Variants in RORA observed in about 807,000 individuals in gnomAD.
RORA encodes RAR related orphan receptor A, also known as nuclear receptor ROR-alpha.
In RORA, 7 loss-of-function variants were observed where a neutral mutation model predicts 69.5. That is an observed-to-expected ratio of 0.10 (90% CI 0.06 to 0.19). The LOEUF (loss-of-function observed/expected upper bound fraction) is 0.19, where lower values mean the gene tolerates loss of function less well. RORA is among the 10% of genes least tolerant of loss of function. The pLI, the probability that RORA is intolerant of heterozygous loss-of-function variation, is 1.00. For synonymous variants in RORA, 261 were observed against 240.8 expected (o/e 1.08, Z -0.78); for missense variants, 457 against 663.0 (o/e 0.69, Z 3.41).
chr15:60,771,141 A>G (rs1051270754), intron 1 of RORA, among the ~76,000 whole-genome samples: 6 of 151,894 alleles, frequency 4.0e-5, no homozygotes, highest in Admixed American at 2.6e-4. Flanking sequence ...TCCCCCATAG[A>G]CTGACTCTCT....
chr15:60,787,819 GC>G (rs1175068219), intron 1 of RORA, among the ~76,000 whole-genome samples: 1 of 152,218 alleles, frequency 6.6e-6, no homozygotes, highest in Non-Finnish European at 1.5e-5. Flanking sequence ...CCCAAACAAG[GC>G]ATTGAGGAAA....
At chr15:61,046,182 G>C (rs1566962210) in intron 1 of RORA, among the ~76,000 whole-genome samples, 1 of 152,206 alleles carries the variant, frequency 6.6e-6, no homozygotes, top group African/African-American at 2.4e-5. Context: ...AGGGGAGGTA[G>C]TGGAGAGAAA....
chr15:60,831,964 C>G (rs1305766414), intron 1 of RORA, among the ~76,000 whole-genome samples: 1 of 152,170 alleles, frequency 6.6e-6, no homozygotes, highest in Non-Finnish European at 1.5e-5. Context: ...TACAACCTGA[C>G]CTTCTGGGAC....
At chr15:60,984,182 C>A (rs148219335) in intron 1 of RORA, among the ~76,000 whole-genome samples, 1 of 152,094 alleles carries the variant, frequency 6.6e-6, no homozygotes, top group African/African-American at 2.4e-5. Context: ...GAACATATAG[C>A]ACCCCGATTG....
intron 1 of RORA, among the ~76,000 whole-genome samples, chr15:60,725,761 A>G (rs895113529): frequency 6.6e-6 from 1 of 152,196 alleles, no homozygotes; most frequent in African/African-American, 2.4e-5. Context: ...AACTGGTTCC[A>G]TGGTGCTTCA....
At chr15:60,577,099 T>C (rs1007894102) in intron 2 of RORA, among the ~76,000 whole-genome samples, 1 of 152,194 alleles carries the variant, frequency 6.6e-6, no homozygotes, top group Non-Finnish European at 1.5e-5. Context: ...AAGATTCTGG[T>C]CTTCCACTGT....
intron 1 of RORA, among the ~76,000 whole-genome samples, chr15:60,707,338 A>AT (rs751786989): frequency 1.6e-3 from 162 of 99,870 alleles, no homozygotes; most frequent in African/African-American, 8.3e-3. Flanking sequence ...TCTTTATTTT[A>AT]TTTATTTATT....
intron 1 of RORA, among the ~76,000 whole-genome samples, chr15:61,102,251 C>T (rs893288): frequency 0.61 from 91,966 of 151,936 alleles, 28,023 homozygotes; most frequent in Middle Eastern, 0.71. Flanking sequence ...GAGAAGCCCC[C>T]CCTCAACCCG....
chr15:61,095,833 G>A (rs949425955), intron 1 of RORA, among the ~76,000 whole-genome samples: 3 of 152,150 alleles, frequency 2.0e-5, no homozygotes, highest in African/African-American at 4.8e-5. Flanking sequence ...CAAACACCCA[G>A]GGGCCCCTTG....
At chr15:61,000,254 CATTATACTAA>C (rs1894705292) in intron 1 of RORA, among the ~76,000 whole-genome samples, 1 of 152,132 alleles carries the variant, frequency 6.6e-6, no homozygotes, top group South Asian at 2.1e-4. Context: ...GAAAAATGTT[CATTATACTAA>C]ACCATACTTT....
intron 2 of RORA, among the ~76,000 whole-genome samples, chr15:60,603,480 A>C (rs1321304961): frequency 6.6e-6 from 1 of 152,220 alleles, no homozygotes; most frequent in Non-Finnish European, 1.5e-5. Flanking sequence ...CAAAGTAGTT[A>C]AGTTCTATAA....
intron 1 of RORA, among the ~76,000 whole-genome samples, chr15:61,075,007 A>G (rs572017453): frequency 6.6e-6 from 1 of 152,010 alleles, no homozygotes; most frequent in East Asian, 1.9e-4. Flanking sequence ...GAATCACTTG[A>G]ACCCGGGAGG....
chr15:61,114,974 G>A (rs72739539), intron 1 of RORA, among the ~76,000 whole-genome samples: 29,008 of 152,224 alleles, frequency 0.19, 3,521 homozygotes, highest in Non-Finnish European at 0.28. Context: ...ATTTAGCAGT[G>A]CTTTAAAAAA....
intron 2 of RORA, chr15:60,558,044 C>G (rs1264684188): frequency 7.3e-6 from 3 of 412,610 alleles, no homozygotes; most frequent in Non-Finnish European, 4.3e-6. Context: ...TGAATGGGAA[C>G]CTTAGTAGTG....
At position 60,791,790 on chromosome 15, in the gene RORA, T is replaced by C. The variant is rs550192624; in HGVS notation, c.167-113104A>G. Among the ~76,000 whole-genome samples the C allele has an allele frequency of 5.1e-4, 77 of 152,346 alleles. 2 individuals are homozygous for C. In the South Asian group the frequency reaches 0.016, roughly 31 times the overall value. On this transcript the variant is annotated intron_variant, in intron 1 of 10. Coordinates refer to ENST00000335670, the MANE Select transcript of RORA (RefSeq NM_134261.3). Reference sequence around the variant, plus strand: ...ACCGCAGGAACAACAGAGCTGGAATTTGAGTCCAGGCAAGTCGAGTGGTTG... The same window carrying C: ...ACCGCAGGAACAACAGAGCTGGAATCTGAGTCCAGGCAAGTCGAGTGGTTG...
intron 1 of RORA, among the ~76,000 whole-genome samples, chr15:61,081,807 CAAAAAAAAA>C (rs59591650): frequency 9.5e-6 from 1 of 105,690 alleles, no homozygotes; most frequent in African/African-American, 3.5e-5. Flanking sequence ...GACTCTGTCT[CAAAAAAAAA>C]AAAAAAAGAA....
In RORA at chr15:60,489,700, C is replaced by T. The variant is rs919041533; in HGVS notation, c.*7755G>A. On this transcript the variant is annotated 3_prime_UTR_variant, in exon 11 of 11. Coordinates refer to ENST00000335670, the MANE Select transcript of RORA (RefSeq NM_134261.3). Reference sequence around the variant, plus strand: ...TTATGGCCCATGTTATGGCAGAGGACGTCTCCATCCTTCTCATGACTCAGG... The same window carrying T: ...TTATGGCCCATGTTATGGCAGAGGATGTCTCCATCCTTCTCATGACTCAGG... 1 of 152,098 alleles carries T rather than the reference C, an allele frequency of 6.6e-6. No individual in the cohort carries two copies. The highest frequency in any genetic ancestry group is 2.4e-5 in the African/African-American group (1 of 41,388). 9.4% of individuals were successfully genotyped at this position (152,098 alleles called of 1,614,324 possible).
chr15:60,747,398 G>A (rs977453291), intron 1 of RORA, among the ~76,000 whole-genome samples: 2 of 152,194 alleles, frequency 1.3e-5, no homozygotes, highest in Non-Finnish European at 2.9e-5. Flanking sequence ...TAAATCAAGG[G>A]TAGGGTTCGA....
chr15:60,704,638 A>G (rs2071034811), intron 1 of RORA, among the ~76,000 whole-genome samples: 1 of 152,224 alleles, frequency 6.6e-6, no homozygotes, highest in Non-Finnish European at 1.5e-5. Flanking sequence ...GAAAAAGATG[A>G]CCAGGAATGC....
Sources: gnomAD v4.1 joint callset for allele counts (sites outside exome capture counted in the v4.1 genomes callset) on GRCh38, gnomAD v4.1.1 for gene constraint, MANE v1.5 for transcripts, NCBI Gene and HGNC (gene_info 2026-07-23, HGNC 2026-07-21) for gene names.